Variants in MAN1A2 observed in about 807,000 individuals in gnomAD.
MAN1A2 encodes mannosidase alpha class 1A member 2, also known as mannosyl-oligosaccharide 1,2-alpha-mannosidase IB.
A neutral mutation model predicts 75.7 loss-of-function variants in MAN1A2; 26 were observed. The ratio of observed to expected loss-of-function variants is 0.34; its 90% CI spans 0.25 to 0.48. MAN1A2 has a LOEUF of 0.48. Ranked by LOEUF, MAN1A2 falls within the 20% of genes least tolerant of loss-of-function variation. The pLI is 0.99. For synonymous variants in MAN1A2, 247 were observed against 264.6 expected (o/e 0.93, Z 0.65); for missense variants, 562 against 775.5 (o/e 0.72, Z 3.27).
intron 1 of MAN1A2, among the ~76,000 whole-genome samples, chr1:117,379,403 C>T (rs549920962): frequency 3.9e-5 from 6 of 152,140 alleles, no homozygotes; most frequent in African/African-American, 1.4e-4. Flanking sequence ...ATAGTGTGGG[C>T]TCTTCTACCT....
intron 5 of MAN1A2, among the ~76,000 whole-genome samples, chr1:117,433,735 A>G (rs545995040): frequency 5.9e-5 from 9 of 152,284 alleles, no homozygotes; most frequent in African/African-American, 2.2e-4. Flanking sequence ...TACTGCACAC[A>G]CTTTGCAGTT....
chr1:117,426,596 T>A (rs145964218), intron 5 of MAN1A2, among the ~76,000 whole-genome samples: 1 of 152,258 alleles, frequency 6.6e-6, no homozygotes. Context: ...GTTGGGCCAA[T>A]TGATATAACA....
In MAN1A2 at chr1:117,461,719, A is replaced by G. The variant is rs539381561; in HGVS notation, c.1074+1107A>G. 2.0e-5 allele frequency among the ~76,000 whole-genome samples: 3 copies of G among 152,278 alleles called. No homozygotes were observed. In the East Asian group the frequency reaches 5.8e-4, roughly 29 times the overall value. Reference sequence around the variant, plus strand: ...AAAATACAAAACTTTATTAAATGATATTGAAGAGGATATAAATAAATGGAG... The same window carrying G: ...AAAATACAAAACTTTATTAAATGATGTTGAAGAGGATATAAATAAATGGAG... On this transcript the variant is annotated intron_variant, in intron 7 of 12. Coordinates refer to ENST00000356554, the MANE Select transcript of MAN1A2 (RefSeq NM_006699.5).
At chr1:117,374,554 C>T (rs1305227112) in intron 1 of MAN1A2, among the ~76,000 whole-genome samples, 1 of 151,882 alleles carries the variant, frequency 6.6e-6, no homozygotes, top group Non-Finnish European at 1.5e-5. Context: ...TTCCAATGAT[C>T]TGTTTTTGAA....
intron 3 of MAN1A2, among the ~76,000 whole-genome samples, chr1:117,413,663 G>A (rs962998715): frequency 4.0e-5 from 6 of 151,622 alleles, no homozygotes; most frequent in Non-Finnish European, 8.9e-5. Context: ...AATTTTTTTT[G>A]CAACTTTTAT....
intron 8 of MAN1A2, among the ~76,000 whole-genome samples, chr1:117,472,071 T>C (rs570882296): frequency 1.3e-5 from 2 of 151,970 alleles, no homozygotes; most frequent in South Asian, 4.1e-4. Flanking sequence ...CATCATAGAT[T>C]TTATCTTTCC....
intron 1 of MAN1A2, among the ~76,000 whole-genome samples, chr1:117,376,737 G>A (rs953819257): frequency 1.3e-5 from 2 of 152,260 alleles, no homozygotes; most frequent in African/African-American, 4.8e-5. Flanking sequence ...GGTTCCACAT[G>A]TGTGGATTCA....
chr1:117,402,307 A>G lies in MAN1A2; in HGVS notation c.424A>G (p.Asn142Asp), dbSNP rs751986930. The change falls in exon 2 of 13, where the codon AAT becomes GAT. Residue 142 changes from asparagine to aspartate, a missense_variant. Transcript: ENST00000356554. ...TCGAGCAGAAATTCAGACAGAGAAA[A>G]ATAAGGTAGTCCAAGAAATGAAGAT... Reference protein sequence around the residue: ...EIRAEIQTEKNKVVQEMKIKE... With the variant: ...EIRAEIQTEKDKVVQEMKIKE... 6.2e-7 allele frequency: 1 copy of G among 1,613,898 alleles called. No homozygotes were observed. The highest frequency in any genetic ancestry group is 1.7e-5 in the Admixed American group (1 of 60,004).
At chr1:117,404,403 A>C (rs1407787119) in intron 2 of MAN1A2, among the ~76,000 whole-genome samples, 4 of 152,206 alleles carry the variant, frequency 2.6e-5, no homozygotes, top group African/African-American at 9.6e-5. Flanking sequence ...TAAGACACTC[A>C]GCTCAAACTA....
In MAN1A2 at chr1:117,524,908, T is replaced by TA; in HGVS notation, c.*1957dup. ...AGGGAAAAGGGAAAGTATTTGGTTC[T>TA]AAAAAATGTTAGCCTTCCTCGTAAA... On this transcript the variant is annotated 3_prime_UTR_variant, in exon 13 of 13. Coordinates refer to ENST00000356554, the MANE Select transcript of MAN1A2 (RefSeq NM_006699.5). 3.1e-6 allele frequency: 1 copy of TA among 327,640 alleles called. No individual in the cohort carries two copies. The highest frequency in any genetic ancestry group is 2.6e-5 in the South Asian group (1 of 38,118). The allele number at this position is 327,640 out of a possible 1,614,324, so 20.3% of individuals were successfully genotyped here.
At chr1:117,445,868 GTGTGTC>G (rs1240869857) in intron 6 of MAN1A2, among the ~76,000 whole-genome samples, 20 of 94,180 alleles carry the variant, frequency 2.1e-4, no homozygotes, top group East Asian at 8.1e-4. Flanking sequence ...GTATGTGTGT[GTGTGTC>G]TGTGTGTGTG....
At position 117,449,423 on chromosome 1, in the gene MAN1A2, G is replaced by A. The variant is rs556933965; in HGVS notation, c.950+7098G>A. Among the ~76,000 whole-genome samples, 94 of 152,118 alleles carry A rather than the reference G, an allele frequency of 6.2e-4. 1 individual carries two copies. The highest frequency in any genetic ancestry group is 2.2e-3 in the African/African-American group (93 of 41,494). ...AAAATACAAAAATTAGCTGAGCATG[G>A]TGGTGTGTGCCTGTAGTACCAGTTA... On this transcript the variant is annotated intron_variant, in intron 6 of 12. Coordinates refer to ENST00000356554, the MANE Select transcript of MAN1A2 (RefSeq NM_006699.5).
intron 3 of MAN1A2, among the ~76,000 whole-genome samples, chr1:117,407,217 A>G (rs1044238382): frequency 6.6e-6 from 1 of 152,156 alleles, no homozygotes; most frequent in African/African-American, 2.4e-5. Context: ...TAAGCTAAGT[A>G]GGAATAGATC....
At chr1:117,490,374 C>G (rs555558329) in intron 8 of MAN1A2, among the ~76,000 whole-genome samples, 2 of 152,074 alleles carry the variant, frequency 1.3e-5, no homozygotes, top group South Asian at 4.1e-4. Flanking sequence ...GATCCGTAAT[C>G]AGTGATCTTT....
chr1:117,402,382 A>G lies in MAN1A2; in HGVS notation c.499A>G (p.Ile167Val), dbSNP rs1647467196. 6.2e-7 allele frequency: 1 copy of G among 1,613,484 alleles called. No individual in the cohort carries two copies. The highest frequency in any genetic ancestry group is 8.5e-7 in the Non-Finnish European group (1 of 1,179,658). The change falls in exon 2 of 13, where the codon ATA (isoleucine) becomes GTA (valine). Residue 167 changes from isoleucine to valine, a missense_variant. Transcript: ENST00000356554. ...AGTCCCTATTCCCAACCTTGTAGGA[A>G]TACGTGGTGGAGACCCAGAAGATAA... ...PPVPIPNLVG[I>V]RGGDPEDNDI...
At chr1:117,464,685 A>G (rs923500771) in intron 7 of MAN1A2, among the ~76,000 whole-genome samples, 1 of 152,152 alleles carries the variant, frequency 6.6e-6, no homozygotes, top group Non-Finnish European at 1.5e-5. Flanking sequence ...GAAAAACAGA[A>G]TCGAGTAAGG....
chr1:117,470,965 C>A (rs907028663), intron 8 of MAN1A2, among the ~76,000 whole-genome samples: 2 of 151,596 alleles, frequency 1.3e-5, no homozygotes, highest in Admixed American at 1.3e-4. Context: ...AAGTGCTTGG[C>A]AACAGATGTA....
intron 12 of MAN1A2, among the ~76,000 whole-genome samples, chr1:117,522,185 A>G (rs1557983641): frequency 6.6e-6 from 1 of 151,926 alleles, no homozygotes; most frequent in East Asian, 1.9e-4. Flanking sequence ...TATGGAAAAA[A>G]ATGAATGACA....
At chr1:117,437,743 A>G (rs957828276) in intron 5 of MAN1A2, among the ~76,000 whole-genome samples, 1 of 152,206 alleles carries the variant, frequency 6.6e-6, no homozygotes, top group Admixed American at 6.5e-5. Flanking sequence ...TGAGGATTAA[A>G]TGAGTTAATA....
Sources: allele counts gnomAD v4.1 joint callset (sites outside exome capture counted in the v4.1 genomes callset), GRCh38; gene constraint gnomAD v4.1.1; transcripts MANE v1.5; gene names NCBI Gene and HGNC (gene_info 2026-07-23, HGNC 2026-07-21).